The following FBXL18 variants were observed in gnomAD, a reference collection of about 807,000 sequenced individuals.
FBXL18 encodes F-box and leucine rich repeat protein 18, also known as F-box/LRR-repeat protein 18.
A neutral mutation model predicts 46.0 loss-of-function variants in FBXL18; 36 were observed. That is an observed-to-expected ratio of 0.78 (90% CI 0.60 to 1.03). The LOEUF (loss-of-function observed/expected upper bound fraction) is 1.03, where lower values mean the gene tolerates loss of function less well. Ranked by LOEUF, FBXL18 falls within the 50% of genes least tolerant of loss-of-function variation. The probability of loss-of-function intolerance (pLI) is 0.00; values close to 1 mark genes in which losing one functional copy is unlikely to be tolerated. For missense variants in FBXL18, 977 were observed against 1,004.1 expected, an observed-to-expected ratio of 0.97 and a Z score of 0.36; for synonymous variants, 557 against 465.3, an observed-to-expected ratio of 1.20 and a Z score of -2.54.
rs141497924 is a variant in FBXL18 at position 5,455,633 on chromosome 7, C to T, written c.2001-7790G>A. Among the ~76,000 whole-genome samples the T allele has an allele frequency of 3.1e-3, 471 of 152,184 alleles. 2 individuals are homozygous for T. The highest frequency in any genetic ancestry group is 0.011 in the African/African-American group (443 of 41,510). Reference sequence around the variant, plus strand: ...CCAAGTCGGTCCTGAGAAGATCCTCCGGGATTGCTGACCATCCACTTCCCC... The same window carrying T: ...CCAAGTCGGTCCTGAGAAGATCCTCTGGGATTGCTGACCATCCACTTCCCC... On this transcript the variant is annotated intron_variant and NMD_transcript_variant, in intron 4 of 6. Coordinates refer to the FBXL18 transcript ENST00000415009. The surrounding 1 kb of genome is among the most constrained non-coding windows in gnomAD (Gnocchi z 4.6).
Position 5,481,522 on chromosome 7 carries a change from A to C in FBXL18, c.*253T>G. On this transcript the variant is annotated 3_prime_UTR_variant, in exon 5 of 5. Coordinates refer to ENST00000382368, the MANE Select transcript of FBXL18 (RefSeq NM_024963.6). ...CAGGCCCCAAGGGTCAGCCTGGTTC[A>C]GCCAGCCCCCCACATCGACCGTCCC... 1 of 426,172 alleles carries C rather than the reference A, an allele frequency of 2.3e-6. No homozygotes were observed. Among genetic ancestry groups the C allele is most frequent in the Non-Finnish European group, 4.3e-6 (1 of 233,320 alleles). The allele number at this position is 426,172 out of a possible 1,614,324, so 26.4% of individuals were successfully genotyped here.
chr7:5,506,044 T>C (rs952304086), intron 1 of FBXL18, among the ~76,000 whole-genome samples: 5 of 152,042 alleles, frequency 3.3e-5, no homozygotes, highest in African/African-American at 9.7e-5. Context: ...TTTTTGGTTT[T>C]TTGTAGAGAC....
intron 4 of FBXL18, among the ~76,000 whole-genome samples, chr7:5,490,561 G>C (rs1404861394): frequency 6.6e-6 from 1 of 152,166 alleles, no homozygotes; most frequent in African/African-American, 2.4e-5. Flanking sequence ...GCGAGGGAGA[G>C]GGAGAAGGAA....
At chr7:5,498,728 G>A (rs913979097) in intron 3 of FBXL18, among the ~76,000 whole-genome samples, 2 of 152,036 alleles carry the variant, frequency 1.3e-5, no homozygotes, top group Admixed American at 6.6e-5. Flanking sequence ...CTGCTCCCAC[G>A]CCCCGCTAAT....
At chr7:5,505,153 C>A (rs1044099444) in intron 2 of FBXL18, among the ~76,000 whole-genome samples, 1 of 151,864 alleles carries the variant, frequency 6.6e-6, no homozygotes. Flanking sequence ...CAACCCCTCT[C>A]CCCCACTCCC....
In FBXL18 at chr7:5,501,407, G is replaced by A. The variant is rs372836919; in HGVS notation, c.862C>T (p.Arg288Cys). Residue 288 changes from arginine to cysteine, a missense_variant, in exon 3 of 5, where the codon CGC (arginine) becomes TGC (cysteine). Physicochemically the swap from Arg to Cys is radical, Grantham distance 180. Coordinates refer to ENST00000382368, the MANE Select transcript of FBXL18 (RefSeq NM_024963.6). ...ATKNLLDSMA[R>C]NVVLDALQLP... ...TGCAGGGCATCCAGCACGACATTGC[G>A]CGCCATGGAGTCCAGGAGGTTCTTG... The A allele has an allele frequency of 6.2e-6, 10 of 1,613,756 alleles. No individual in the cohort carries two copies. The highest frequency in any genetic ancestry group is 8.5e-6 in the Non-Finnish European group (10 of 1,180,018).
In FBXL18 at chr7:5,480,606, C is replaced by T. The variant is rs1198167020; in HGVS notation, c.*1169G>A. 3 of 121,374 alleles carry T rather than the reference C, an allele frequency of 2.5e-5. No homozygotes were observed. In the Admixed American group the frequency reaches 3.5e-4, roughly 14 times the overall value. 7.5% of individuals were successfully genotyped at this position (121,374 alleles called of 1,614,324 possible). On this transcript the variant is annotated 3_prime_UTR_variant, in exon 5 of 5. Coordinates refer to ENST00000382368, the MANE Select transcript of FBXL18 (RefSeq NM_024963.6). ...TGAGGCGGAGTCTCACCCTGTTGTC[C>T]AGGCTGGAGTGCAATGGTGTGATCT... is the stretch of plus-strand genomic sequence containing the variant.
At chr7:5,511,008 A>T (rs1784517845) in intron 1 of FBXL18, among the ~76,000 whole-genome samples, 1 of 152,244 alleles carries the variant, frequency 6.6e-6, no homozygotes, top group Non-Finnish European at 1.5e-5. Flanking sequence ...AGAATATGTA[A>T]CATTTCACAG....
intron 3 of FBXL18, among the ~76,000 whole-genome samples, chr7:5,494,186 C>A (rs1784011571): frequency 1.3e-5 from 2 of 151,882 alleles, no homozygotes. Context: ...GCAGGAAAAT[C>A]GTTTCTACCT....
downstream of FBXL18, among the ~76,000 whole-genome samples, chr7:5,474,511 T>G (rs1467286401): frequency 6.6e-6 from 1 of 151,910 alleles, no homozygotes; most frequent in Non-Finnish European, 1.5e-5. Context: ...AGACAAGGTC[T>G]GACTACGTTG....
rs1435834902 is a variant in FBXL18, at chr7:5,476,042, G to A, written c.*5733C>T. The A allele has an allele frequency of 6.6e-6, 1 of 152,204 alleles. No individual in the cohort carries two copies. Among genetic ancestry groups the A allele is most frequent in the African/African-American group, 2.4e-5 (1 of 41,442 alleles). The allele number at this position is 152,204 out of a possible 1,614,324, so 9.4% of individuals were successfully genotyped here. A position where few individuals can be genotyped will look rare whatever the true frequency, so the allele number is the denominator to read the frequency against. Reference sequence around the variant, plus strand: ...ATACGGCGAGACCCCCAGGTCCAGGGAAAGGTCTCCCCTTAAAACCACGTG... The same window carrying A: ...ATACGGCGAGACCCCCAGGTCCAGGAAAAGGTCTCCCCTTAAAACCACGTG... On this transcript the variant is annotated 3_prime_UTR_variant, in exon 5 of 5. Transcript: ENST00000382368.
intron 3 of FBXL18, chr7:5,495,922 G>T (rs1352311445): frequency 2.1e-6 from 1 of 472,790 alleles, no homozygotes; most frequent in South Asian, 1.5e-5. Context: ...GCTGGAGTTT[G>T]TCCACAGAGA....
At chr7:5,462,989 T>TAC in intron 4 of FBXL18, among the ~76,000 whole-genome samples, 1 of 47,046 alleles carries the variant, frequency 2.1e-5, no homozygotes, top group South Asian at 5.8e-4. Context: ...TATATATATA[T>TAC]ATATATAATA....
intron 4 of FBXL18, among the ~76,000 whole-genome samples, chr7:5,463,202 G>A (rs904330943): frequency 6.6e-6 from 1 of 151,282 alleles, no homozygotes; most frequent in Non-Finnish European, 1.5e-5. Flanking sequence ...ATTGCTGGTG[G>A]GAATATAAAA....
chr7:5,458,208 G>C (rs576425469), intron 4 of FBXL18, among the ~76,000 whole-genome samples: 1 of 152,078 alleles, frequency 6.6e-6, no homozygotes. Context: ...AGCAGCGAAC[G>C]GGCAGGGAGA....
At chr7:5,503,779 C>A (rs1050979319) in intron 2 of FBXL18, among the ~76,000 whole-genome samples, 1 of 151,744 alleles carries the variant, frequency 6.6e-6, no homozygotes, top group Non-Finnish European at 1.5e-5. Flanking sequence ...CCAGCCTGAT[C>A]AACATGGTGA....
chr7:5,491,110 G>T (rs1419286037), intron 4 of FBXL18, 121 bp downstream of exon 4: 1 of 916,106 alleles, frequency 1.1e-6, no homozygotes, highest in Non-Finnish European at 1.7e-6. Context: ...CCCTGTCACT[G>T]CCTGGTGCTC....
At position 5,500,596 on chromosome 7, in the gene FBXL18, T is replaced by C. The variant is rs749661129; in HGVS notation, c.1673A>G (p.Gln558Arg). 1.2e-6 allele frequency: 2 copies of C among 1,613,478 alleles called. No homozygotes were observed. The highest frequency in any genetic ancestry group is 1.7e-6 in the Non-Finnish European group (2 of 1,179,888). Residue 558 changes from glutamine to arginine, a missense_variant, in exon 3 of 5, where the codon CAG becomes CGG. Gln to Arg is a conservative substitution (Grantham distance 43). Coordinates refer to ENST00000382368, the MANE Select transcript of FBXL18 (RefSeq NM_024963.6). ...GGCCAGCGACAGGGACCGCAACTGC[T>C]GGCACTGCAGGCCGATATTGACCAG... is the stretch of plus-strand genomic sequence containing the variant. Reference protein sequence around the residue: ...SGLVNIGLQCQQLRSLSLANL... With the variant: ...SGLVNIGLQCRQLRSLSLANL...
At chr7:5,456,371 G>A (rs1335819815) in intron 4 of FBXL18, among the ~76,000 whole-genome samples, 1 of 152,214 alleles carries the variant, frequency 6.6e-6, no homozygotes, top group Non-Finnish European at 1.5e-5. Context: ...ATCAGTGGGA[G>A]GACAAACCAA....
Sources: gnomAD v4.1 joint callset for allele counts (sites outside exome capture counted in the v4.1 genomes callset) on GRCh38, gnomAD v4.1.1 for gene constraint, Gnocchi (gnomAD v3.1) non-coding constraint, MANE v1.5 for transcripts, NCBI Gene and HGNC (gene_info 2026-07-23, HGNC 2026-07-21) for gene names.